The following DLG2 variants were observed in gnomAD, a reference collection of about 807,000 sequenced individuals.
DLG2 encodes discs large MAGUK scaffold protein 2, also known as disks large homolog 2.
DLG2 carries 45 observed loss-of-function variants against 132.5 expected under a neutral mutation model. The observed-to-expected ratio is 0.34, with a 90% CI of 0.27 to 0.44. The LOEUF (loss-of-function observed/expected upper bound fraction) is 0.44, where lower values mean the gene tolerates loss of function less well. Ranked by LOEUF, DLG2 falls within the 20% of genes least tolerant of loss-of-function variation. The pLI, the probability that DLG2 is intolerant of heterozygous loss-of-function variation, is 1.00. For synonymous variants in DLG2, 424 were observed against 419.6 expected, an observed-to-expected ratio of 1.01 and a Z score of -0.13; for missense variants, 1,045 against 1,196.9, an observed-to-expected ratio of 0.87 and a Z score of 1.87.
chr11:83,860,445 C>T (rs556514614), intron 16 of DLG2, among the ~76,000 whole-genome samples: 2 of 152,164 alleles, frequency 1.3e-5, no homozygotes, highest in Non-Finnish European at 2.9e-5. Context: ...ATTTGACTGC[C>T]ACGCTGGATT....
At chr11:84,587,724 ACTC>A (rs1454308649) in intron 6 of DLG2, among the ~76,000 whole-genome samples, 1 of 151,992 alleles carries the variant, frequency 6.6e-6, no homozygotes, top group Non-Finnish European at 1.5e-5. Context: ...TCGGCAAAAT[ACTC>A]CTAGAATTTA....
intron 6 of DLG2, chr11:85,021,144 A>C: frequency 1.2e-6 from 1 of 824,860 alleles, no homozygotes; most frequent in South Asian, 1.3e-5. Flanking sequence ...CAGACTTAGA[A>C]GATCCCCGCT....
chr11:85,289,403 C>T (rs1343266458), intron 3 of DLG2, among the ~76,000 whole-genome samples: 10 of 152,082 alleles, frequency 6.6e-5, no homozygotes, highest in Admixed American at 6.6e-4. Context: ...CTTCAATGCC[C>T]AGTTCCAGTT....
intron 6 of DLG2, among the ~76,000 whole-genome samples, chr11:84,543,134 T>C (rs1474036168): frequency 6.6e-6 from 1 of 152,226 alleles, no homozygotes; most frequent in Non-Finnish European, 1.5e-5. Flanking sequence ...TCAATATTTA[T>C]ATTCATTTCT....
At chr11:83,686,942 C>A (rs2079897624) in intron 18 of DLG2, among the ~76,000 whole-genome samples, 2 of 152,144 alleles carry the variant, frequency 1.3e-5, no homozygotes, top group South Asian at 4.1e-4. Flanking sequence ...AAGATGAGGT[C>A]ACACTGGAAT....
rs964815205 is a variant in DLG2 at position 84,728,001 on chromosome 11, G to T, written c.358-193270C>A. Among the ~76,000 whole-genome samples the T allele has an allele frequency of 3.9e-5, 6 of 152,260 alleles. No homozygotes were observed. The South Asian group carries it at 1.0e-3, about 26-fold the overall frequency. On this transcript the variant is annotated intron_variant, in intron 6 of 27. Coordinates refer to ENST00000376104, the MANE Select transcript of DLG2 (RefSeq NM_001142699.3). ...GCTTAAGGAGATTCTGGACTGAGAC[G>T]ATGGGGTTTTCTAAATATACAATCA...
At chr11:84,093,204 C>CACA (rs1316828608) in intron 10 of DLG2, among the ~76,000 whole-genome samples, 5 of 152,182 alleles carry the variant, frequency 3.3e-5, no homozygotes, top group Non-Finnish European at 7.3e-5. Context: ...ATCAAGATGT[C>CACA]AGCTGAGCTG....
chr11:84,093,494 A>G (rs1479867489), intron 10 of DLG2, among the ~76,000 whole-genome samples: 1 of 152,242 alleles, frequency 6.6e-6, no homozygotes, highest in African/African-American at 2.4e-5. Context: ...CCAGGTTCAC[A>G]TGTATATTCT....
chr11:83,584,437 G>A (rs955428478), intron 19 of DLG2, among the ~76,000 whole-genome samples: 1 of 152,190 alleles, frequency 6.6e-6, no homozygotes, highest in South Asian at 2.1e-4. Flanking sequence ...CACCAAAAAT[G>A]AATAACTTAA....
At chr11:83,467,519 C>T (rs920141209) in intron 25 of DLG2, among the ~76,000 whole-genome samples, 4 of 151,602 alleles carry the variant, frequency 2.6e-5, no homozygotes, top group Admixed American at 6.6e-5. Context: ...GAGGCCGAGG[C>T]GGGTGGATCA....
chr11:84,473,530 G>A (rs1447136816), intron 7 of DLG2, among the ~76,000 whole-genome samples: 3 of 151,914 alleles, frequency 2.0e-5, no homozygotes, highest in Non-Finnish European at 4.4e-5. Flanking sequence ...GTATTGCATG[G>A]AAGAATGCCA....
chr11:85,407,823 G>A (rs1046688612), intron 3 of DLG2, among the ~76,000 whole-genome samples: 3 of 151,790 alleles, frequency 2.0e-5, no homozygotes, highest in African/African-American at 7.3e-5. Flanking sequence ...CTACAGAGAG[G>A]TGTTAATTTC....
chr11:83,570,686 A>C (rs1272107108), intron 19 of DLG2, among the ~76,000 whole-genome samples: 1 of 152,158 alleles, frequency 6.6e-6, no homozygotes, highest in Non-Finnish European at 1.5e-5. Context: ...AGATACATGA[A>C]GACAACCAGA....
chr11:84,396,396 AT>A (rs757904320), intron 7 of DLG2, among the ~76,000 whole-genome samples: 1 of 152,316 alleles, frequency 6.6e-6, no homozygotes, highest in South Asian at 2.1e-4. Flanking sequence ...TTAAAAAAAA[AT>A]ATATGGTGCA....
At chr11:85,272,594 C>T (rs575953904) in intron 4 of DLG2, among the ~76,000 whole-genome samples, 94 of 151,998 alleles carry the variant, frequency 6.2e-4, no homozygotes, top group African/African-American at 2.0e-3. Context: ...CACTGCTCAA[C>T]GAAATAAAAG....
At chr11:84,684,467 C>T (rs749998659) in intron 6 of DLG2, among the ~76,000 whole-genome samples, 5 of 152,102 alleles carry the variant, frequency 3.3e-5, no homozygotes, top group African/African-American at 9.7e-5. Context: ...TTAAACAGTA[C>T]GTCACAGAAC....
intron 6 of DLG2, among the ~76,000 whole-genome samples, chr11:84,815,617 C>A (rs964498181): frequency 6.6e-6 from 1 of 151,952 alleles, no homozygotes; most frequent in Non-Finnish European, 1.5e-5. Context: ...CTAGAGACAG[C>A]TAGAGATATC....
intron 7 of DLG2, among the ~76,000 whole-genome samples, chr11:84,448,840 A>C (rs1460443933): frequency 6.6e-6 from 1 of 152,056 alleles, no homozygotes; most frequent in African/African-American, 2.4e-5. Context: ...AGACCTACAT[A>C]GTCCTCCACA....
At chr11:85,103,248 C>T (rs1377957864) in intron 6 of DLG2, among the ~76,000 whole-genome samples, 3 of 151,912 alleles carry the variant, frequency 2.0e-5, no homozygotes, top group South Asian at 2.1e-4. Context: ...TGTAGAAATT[C>T]ATAAGCTAAT....
Sources: allele counts gnomAD v4.1 joint callset (sites outside exome capture counted in the v4.1 genomes callset), GRCh38; gene constraint gnomAD v4.1.1; transcripts MANE v1.5; gene names NCBI Gene and HGNC (gene_info 2026-07-23, HGNC 2026-07-21).